The following ADAMTS12 variants were observed in gnomAD, a reference collection of about 807,000 sequenced individuals.
ADAMTS12 encodes ADAM metallopeptidase with thrombospondin type 1 motif 12.
A neutral mutation model predicts 167.8 loss-of-function variants in ADAMTS12; 118 were observed. That is an observed-to-expected ratio of 0.70 (90% confidence interval 0.61 to 0.82). The LOEUF is 0.82. ADAMTS12 is among the 40% of genes least tolerant of loss of function. ADAMTS12 has a pLI of 0.00. For missense variants in ADAMTS12, 1,916 were observed against 1,998.8 expected, an observed-to-expected ratio of 0.96 and a Z score of 0.79; for synonymous variants, 704 against 716.9, an observed-to-expected ratio of 0.98 and a Z score of 0.29.
intron 3 of ADAMTS12, among the ~76,000 whole-genome samples, chr5:33,690,594 A>C (rs905032508): frequency 1.7e-4 from 26 of 152,214 alleles, no homozygotes; most frequent in African/African-American, 6.3e-4. Context: ...GACTCTTCCC[A>C]AAATACCAAC....
intron 2 of ADAMTS12, among the ~76,000 whole-genome samples, chr5:33,841,295 T>C (rs1748736294): frequency 6.6e-6 from 1 of 152,212 alleles, no homozygotes; most frequent in Non-Finnish European, 1.5e-5. Context: ...TTTTGTAGCA[T>C]AAAGGGCCTG....
intron 2 of ADAMTS12, among the ~76,000 whole-genome samples, chr5:33,843,252 G>C (rs1748810414): frequency 6.6e-6 from 1 of 152,218 alleles, no homozygotes; most frequent in Non-Finnish European, 1.5e-5. Context: ...CAGAGCCCAG[G>C]ACTGAGCAAG....
At chr5:33,765,084 T>A (rs1279565879) in intron 2 of ADAMTS12, among the ~76,000 whole-genome samples, 2 of 152,234 alleles carry the variant, frequency 1.3e-5, no homozygotes, top group Non-Finnish European at 2.9e-5. Context: ...TTTTTTCTTT[T>A]CCCAATGTTT....
chr5:33,614,492 G>T, intron 15 of ADAMTS12, 116 bp from the exon 16 acceptor site: 2 of 1,252,814 alleles, frequency 1.6e-6, no homozygotes, highest in Non-Finnish European at 2.2e-6. Flanking sequence ...GCATGCATTG[G>T]AATAAAGCCA....
At chr5:33,843,930 C>A (rs1748844323) in intron 2 of ADAMTS12, among the ~76,000 whole-genome samples, 1 of 152,224 alleles carries the variant, frequency 6.6e-6, no homozygotes, top group Non-Finnish European at 1.5e-5. Flanking sequence ...AACGGAGGGA[C>A]TGGCTGAAGC....
At chr5:33,761,787 G>C (rs941109831) in intron 2 of ADAMTS12, among the ~76,000 whole-genome samples, 1 of 152,054 alleles carries the variant, frequency 6.6e-6, no homozygotes, top group Non-Finnish European at 1.5e-5. Flanking sequence ...AGTATTTTTT[G>C]GCTGGGGGCA....
chr5:33,676,441 CA>C (rs1237678213), intron 5 of ADAMTS12, among the ~76,000 whole-genome samples: 3 of 151,646 alleles, frequency 2.0e-5, no homozygotes, highest in Non-Finnish European at 4.4e-5. Flanking sequence ...GTCTAAGGGA[CA>C]ACTCATCTGA....
intron 16 of ADAMTS12, 29 bp downstream of exon 16, chr5:33,614,209 G>T: frequency 6.2e-7 from 1 of 1,609,356 alleles, no homozygotes; most frequent in Non-Finnish European, 8.5e-7. Context: ...GGCTGGCATG[G>T]CTTCATAGTG....
intron 16 of ADAMTS12, among the ~76,000 whole-genome samples, chr5:33,602,500 C>G (rs1423537): frequency 0.56 from 84,514 of 152,032 alleles, 23,588 homozygotes; most frequent in Middle Eastern, 0.63. Context: ...TATGACAGAT[C>G]AATATCTGAA....
intron 5 of ADAMTS12, among the ~76,000 whole-genome samples, chr5:33,668,593 G>C (rs1741558282): frequency 6.6e-6 from 1 of 152,020 alleles, no homozygotes; most frequent in African/African-American, 2.4e-5. Context: ...AGCGATTCTT[G>C]TGCCTCAGCT....
chr5:33,844,838 C>T (rs564930703), intron 2 of ADAMTS12, among the ~76,000 whole-genome samples: 12 of 152,244 alleles, frequency 7.9e-5, no homozygotes, highest in East Asian at 5.8e-4. Flanking sequence ...ATGCCTCCCC[C>T]GGACGCCCAG....
chr5:33,761,345 G>A (rs750755706), intron 2 of ADAMTS12, among the ~76,000 whole-genome samples: 11 of 152,198 alleles, frequency 7.2e-5, no homozygotes, highest in Non-Finnish European at 1.3e-4. Flanking sequence ...GTGGCCACAC[G>A]GTGACCATCC....
At position 33,797,932 on chromosome 5, in the gene ADAMTS12, T is replaced by C. The variant is rs16891738; in HGVS notation, c.490-46384A>G. Among the ~76,000 whole-genome samples, 1,068 of 152,298 alleles carry C rather than the reference T, an allele frequency of 7.0e-3. 12 individuals carry two copies. The highest frequency in any genetic ancestry group is 0.025 in the African/African-American group (1,020 of 41,570). Reference sequence around the variant, plus strand: ...TGTAGCAAAGTACTAACATAAAAAGTGAACATAAAGGCTTATAGCAAGTAT... The same window carrying C: ...TGTAGCAAAGTACTAACATAAAAAGCGAACATAAAGGCTTATAGCAAGTAT... On this transcript the variant is annotated intron_variant, in intron 2 of 23. Transcript: ENST00000504830.
At chr5:33,698,729 G>T (rs925179355) in intron 3 of ADAMTS12, among the ~76,000 whole-genome samples, 1 of 152,208 alleles carries the variant, frequency 6.6e-6, no homozygotes, top group Non-Finnish European at 1.5e-5. Context: ...CCTGAGGTCA[G>T]GAGTTTGAGA....
At position 33,724,654 on chromosome 5, in the gene ADAMTS12, C is replaced by T. The variant is rs565908361; in HGVS notation, c.634+26750G>A. 4.6e-5 allele frequency among the ~76,000 whole-genome samples: 7 copies of T among 152,038 alleles called. No individual in the cohort carries two copies. The South Asian group carries it at 6.3e-4, about 14-fold the overall frequency. Reference sequence around the variant, plus strand: ...GCAAGCTCCGCCTCCCGGGTTCACGCCATTCTCCTGTCTCAGCCTCTTGAG... The same window carrying T: ...GCAAGCTCCGCCTCCCGGGTTCACGTCATTCTCCTGTCTCAGCCTCTTGAG... On this transcript the variant is annotated intron_variant, in intron 3 of 23. Coordinates refer to ENST00000504830, the MANE Select transcript of ADAMTS12 (RefSeq NM_030955.4).
At chr5:33,658,897 T>C (rs575742353) in intron 6 of ADAMTS12, among the ~76,000 whole-genome samples, 37 of 152,278 alleles carry the variant, frequency 2.4e-4, no homozygotes, top group African/African-American at 8.9e-4. Flanking sequence ...TGCATGTACA[T>C]CTAGAATCTC....
chr5:33,569,740 G>A (rs1299520749), intron 19 of ADAMTS12, among the ~76,000 whole-genome samples: 2 of 152,234 alleles, frequency 1.3e-5, no homozygotes, highest in Admixed American at 1.3e-4. Context: ...AACAAAGCTG[G>A]ATGGAGAATG....
chr5:33,888,506 T>C (rs542043441), intron 1 of ADAMTS12, among the ~76,000 whole-genome samples: 14 of 152,312 alleles, frequency 9.2e-5, no homozygotes, highest in East Asian at 5.8e-4. Flanking sequence ...ATTAAGAAAA[T>C]AGCTGAAATC....
intron 2 of ADAMTS12, among the ~76,000 whole-genome samples, chr5:33,756,431 A>G (rs1269174174): frequency 6.6e-6 from 1 of 152,266 alleles, no homozygotes; most frequent in African/African-American, 2.4e-5. Context: ...TCTTAAAGCC[A>G]TGAGAGGCTC....
Sources: allele counts gnomAD v4.1 joint callset (sites outside exome capture counted in the v4.1 genomes callset), GRCh38; gene constraint gnomAD v4.1.1; transcripts MANE v1.5; gene names NCBI Gene and HGNC (gene_info 2026-07-23, HGNC 2026-07-21).